Variants in EIF3H observed in about 807,000 individuals in gnomAD.
EIF3H encodes the protein eIF-3-gamma.
Under a neutral mutation model 44.2 loss-of-function variants are expected in EIF3H, and 26 were observed. That is an observed-to-expected ratio of 0.59 (90% CI 0.43 to 0.82). The LOEUF (loss-of-function observed/expected upper bound fraction) is 0.82, where lower values mean the gene tolerates loss of function less well. EIF3H is among the 40% of genes least tolerant of loss of function. The probability of loss-of-function intolerance (pLI) is 0.00; values close to 1 mark genes in which losing one functional copy is unlikely to be tolerated. For missense variants in EIF3H, 359 were observed against 432.8 expected (o/e 0.83, Z 1.51); for synonymous variants, 166 against 151.9 (o/e 1.09, Z -0.68).
intron 2 of EIF3H, among the ~76,000 whole-genome samples, chr8:116,675,686 T>C (rs185352536): frequency 1.3e-5 from 2 of 152,232 alleles, no homozygotes; most frequent in African/African-American, 4.8e-5. Flanking sequence ...CTACTGCTGA[T>C]CCACTTTTGA....
intron 1 of EIF3H, among the ~76,000 whole-genome samples, chr8:116,754,602 A>C (rs1184568610): frequency 1.3e-5 from 2 of 152,236 alleles, no homozygotes; most frequent in East Asian, 1.9e-4. Context: ...CAACTCTATG[A>C]TACAGATACT....
At chr8:116,755,119 A>G (rs896149400) in intron 1 of EIF3H, among the ~76,000 whole-genome samples, 1 of 152,256 alleles carries the variant, frequency 6.6e-6, no homozygotes, top group African/African-American at 2.4e-5. Flanking sequence ...AATACATTTA[A>G]GGCCCTTCTC....
At chr8:116,656,321 T>G (rs1392436334) in intron 4 of EIF3H, among the ~76,000 whole-genome samples, 1 of 152,178 alleles carries the variant, frequency 6.6e-6, no homozygotes. Flanking sequence ...CACAGTAAGT[T>G]ATGCTACACA....
At chr8:116,645,970 C>CA (rs1432690730) in intron 7 of EIF3H, among the ~76,000 whole-genome samples, 1 of 152,174 alleles carries the variant, frequency 6.6e-6, no homozygotes, top group East Asian at 1.9e-4. Context: ...AGTCCTAGTA[C>CA]AGGACACAGG....
At chr8:116,695,228 C>T (rs138827446) in intron 2 of EIF3H, among the ~76,000 whole-genome samples, 21 of 151,922 alleles carry the variant, frequency 1.4e-4, no homozygotes, top group East Asian at 7.7e-4. Flanking sequence ...CCATCACGCC[C>T]GGCTAATTTT....
intron 2 of EIF3H, among the ~76,000 whole-genome samples, chr8:116,677,827 C>T (rs1388344801): frequency 2.6e-5 from 4 of 152,026 alleles, no homozygotes; most frequent in African/African-American, 9.7e-5. Context: ...TGATAGAAAT[C>T]TAGAATAAGG....
chr8:116,668,664 G>A (rs530729583), intron 2 of EIF3H, among the ~76,000 whole-genome samples: 3 of 150,960 alleles, frequency 2.0e-5, no homozygotes, highest in South Asian at 2.1e-4. Context: ...TGTGACCGGC[G>A]ACAAATTAAC....
At chr8:116,665,423 AG>A (rs531294100) in intron 2 of EIF3H, among the ~76,000 whole-genome samples, 56 of 152,360 alleles carry the variant, frequency 3.7e-4, no homozygotes, top group African/African-American at 1.3e-3. Flanking sequence ...ATACTGGCTT[AG>A]ATCAAAGATG....
intron 2 of EIF3H, among the ~76,000 whole-genome samples, chr8:116,710,777 C>T (rs970076584): frequency 5.3e-5 from 8 of 152,106 alleles, no homozygotes; most frequent in Non-Finnish European, 1.2e-4. Flanking sequence ...TCTGCATTTG[C>T]CATTAATTTT....
chr8:116,668,228 G>GA (rs1352220228), intron 2 of EIF3H, among the ~76,000 whole-genome samples: 2 of 152,084 alleles, frequency 1.3e-5, no homozygotes, highest in East Asian at 1.9e-4. Flanking sequence ...GGTGCTAAGA[G>GA]AAAAAAGCAG....
chr8:116,646,462 C>A lies in EIF3H; in HGVS notation c.961+9G>T. 1 of 1,614,128 alleles carries A rather than the reference C, an allele frequency of 6.2e-7. No homozygotes were observed. The highest frequency in any genetic ancestry group is 8.5e-7 in the Non-Finnish European group (1 of 1,180,010). On this transcript the variant is annotated intron_variant, in intron 7 of 7. Coordinates refer to ENST00000521861, the MANE Select transcript of EIF3H (RefSeq NM_003756.3). ...AAAACCAGCCAGGTTTTGCACTGGG[C>A]AACAATACCTGCAATGAGCAGCGAG...
At position 116,646,486 on chromosome 8, in the gene EIF3H, A is replaced by C. The variant is rs1486687355; in HGVS notation, c.946T>G (p.Ser316Ala). 1 of 1,614,228 alleles carries C rather than the reference A, an allele frequency of 6.2e-7. No individual in the cohort carries two copies. Among genetic ancestry groups the C allele is most frequent in the Admixed American group, 1.7e-5 (1 of 60,026 alleles). ...GCAACAATACCTGCAATGAGCAGCG[A>C]GTCCATCCTGGCAGGCGGCTGTGGT... ...KPPQPPARMD[S>A]LLIAGQINTY... Residue 316 changes from serine (S) to alanine (A), a missense_variant, in exon 7 of 8, where the codon TCG (serine) becomes GCG (alanine). Ser to Ala is a moderately conservative substitution (Grantham distance 99). Transcript: ENST00000521861.
intron 1 of EIF3H, among the ~76,000 whole-genome samples, chr8:116,748,699 T>C (rs993961497): frequency 6.6e-6 from 1 of 152,104 alleles, no homozygotes; most frequent in African/African-American, 2.4e-5. Context: ...TGTGAAGAAA[T>C]AAGCAACAAG....
intron 2 of EIF3H, among the ~76,000 whole-genome samples, chr8:116,702,744 A>T (rs1199426241): frequency 6.6e-6 from 1 of 152,234 alleles, no homozygotes; most frequent in African/African-American, 2.4e-5. Context: ...AACAGTACAG[A>T]TATTTCCAAA....
chr8:116,663,803 C>A (rs775273867), intron 2 of EIF3H, among the ~76,000 whole-genome samples: 2 of 151,752 alleles, frequency 1.3e-5, no homozygotes, highest in Admixed American at 1.3e-4. Context: ...TGGTGGCAGG[C>A]GCCTGTAATC....
intron 1 of EIF3H, among the ~76,000 whole-genome samples, chr8:116,763,294 CATATG>C (rs1815535807): frequency 6.6e-6 from 1 of 152,080 alleles, no homozygotes; most frequent in Non-Finnish European, 1.5e-5. Flanking sequence ...TATATATATG[CATATG>C]ATATATCAAT....
At chr8:116,743,769 CATAT>C (rs150883678) in intron 1 of EIF3H, among the ~76,000 whole-genome samples, 4,276 of 96,874 alleles carry the variant, frequency 0.044, 149 homozygotes, top group African/African-American at 0.091. Flanking sequence ...AAAATACATA[CATAT>C]ATATATATAT....
intron 2 of EIF3H, among the ~76,000 whole-genome samples, chr8:116,685,761 T>C (rs1279806025): frequency 1.3e-5 from 2 of 152,172 alleles, no homozygotes; most frequent in African/African-American, 4.8e-5. Flanking sequence ...TTTTCGACCA[T>C]AAACAGCAAC....
rs565013945 is a variant in EIF3H, at chr8:116,730,847, G to A, written c.133-4675C>T. On this transcript the variant is annotated intron_variant, in intron 1 of 7. Transcript: ENST00000521861. Reference sequence around the variant, plus strand: ...CTTATGATATGTCAAGCACTCCACCGTCTTACGTGCAAGGACTCATTTAAT... The same window carrying A: ...CTTATGATATGTCAAGCACTCCACCATCTTACGTGCAAGGACTCATTTAAT... Among the ~76,000 whole-genome samples the A allele has an allele frequency of 2.2e-4, 34 of 152,288 alleles. No homozygotes were observed. The South Asian group carries it at 5.2e-3, about 23-fold the overall frequency.
Sources: allele counts gnomAD v4.1 joint callset (sites outside exome capture counted in the v4.1 genomes callset), GRCh38; gene constraint gnomAD v4.1.1; transcripts MANE v1.5; gene names NCBI Gene and HGNC (gene_info 2026-07-23, HGNC 2026-07-21).